The following TTLL4 variants were observed in gnomAD, a reference collection of about 807,000 sequenced individuals.
The protein encoded by TTLL4 is tubulin monoglutamylase TTLL4.
A neutral mutation model predicts 122.7 loss-of-function variants in TTLL4; 85 were observed. That is an observed-to-expected ratio of 0.69 (90% CI 0.58 to 0.83). TTLL4 has a LOEUF of 0.83. Ranked by LOEUF, TTLL4 falls within the 40% of genes least tolerant of loss-of-function variation. TTLL4 has a pLI of 0.00. For synonymous variants in TTLL4, 553 were observed against 563.0 expected, an observed-to-expected ratio of 0.98 and a Z score of 0.25; for missense variants, 1,363 against 1,488.6, an observed-to-expected ratio of 0.92 and a Z score of 1.39.
At chr2:218,731,176 C>T (rs1942371300) in intron 2 of TTLL4, among the ~76,000 whole-genome samples, 1 of 151,776 alleles carries the variant, frequency 6.6e-6, no homozygotes. Context: ...TTTGAGAGGC[C>T]GAGGTGGGTG....
chr2:218,716,315 T>G (rs1941855993), intron 1 of TTLL4, among the ~76,000 whole-genome samples: 1 of 152,250 alleles, frequency 6.6e-6, no homozygotes, highest in African/African-American at 2.4e-5. Context: ...TCATTCATTC[T>G]TTCAAGTAAA....
chr2:218,734,886 A>G (rs971862917), intron 2 of TTLL4, among the ~76,000 whole-genome samples: 5 of 152,184 alleles, frequency 3.3e-5, no homozygotes, highest in African/African-American at 9.7e-5. Flanking sequence ...CTTCTCTACC[A>G]CAAACACACG....
At chr2:218,749,986 C>G in intron 14 of TTLL4, 23 bp from the exon 15 acceptor site, 2 of 1,612,970 alleles carry the variant, frequency 1.2e-6, no homozygotes, top group Non-Finnish European at 1.7e-6. Context: ...GCTTTGACCA[C>G]TCTTTTTATC....
chr2:218,752,422 G>A (rs1943045752), intron 16 of TTLL4, among the ~76,000 whole-genome samples: 1 of 152,192 alleles, frequency 6.6e-6, no homozygotes, highest in Admixed American at 6.5e-5. Context: ...CTTTCTCAGA[G>A]CAGATAAGGA....
At chr2:218,758,098 C>G (rs1168805325), downstream of TTLL4, among the ~76,000 whole-genome samples, 1 of 152,122 alleles carries the variant, frequency 6.6e-6, no homozygotes, top group African/African-American at 2.4e-5. Flanking sequence ...TTTGGCTTGC[C>G]CCTTCACCAG....
chr2:218,748,205 A>G lies in TTLL4; in HGVS notation c.2479A>G (p.Met827Val), dbSNP rs1161861769. The change falls in exon 12 of 20, where the codon ATG becomes GTG. Residue 827 changes from methionine (M) to valine (V), a missense_variant. Met to Val is a conservative substitution (Grantham distance 21, BLOSUM62 1). Around this residue, in one of 3 missense-constraint regions of TTLL4, gnomAD observed 596 missense variants for 655.8 expected, o/e 0.91. Transcript: ENST00000392102. Reference sequence around the variant, plus strand: ...CGAGTACCAGGCCAATGCAGATGAAATGGCTTGCCAGGGCCACAAATGGTA... The same window carrying G: ...CGAGTACCAGGCCAATGCAGATGAAGTGGCTTGCCAGGGCCACAAATGGTA... The part of the protein sequence containing the change: ...NAEYQANADE[M>V]ACQGHKWALK... 6.2e-7 allele frequency: 1 copy of G among 1,614,064 alleles called. No homozygotes were observed. The highest frequency in any genetic ancestry group is 8.5e-7 in the Non-Finnish European group (1 of 1,180,018).
At chr2:218,728,202 A>C (rs1041430820) in intron 2 of TTLL4, 1 of 152,720 alleles carries the variant, frequency 6.5e-6, no homozygotes, top group African/African-American at 2.4e-5. Context: ...AAGCACATTA[A>C]ATTTTTTGTG....
intron 18 of TTLL4, 188 bp downstream of exon 18, chr2:218,753,373 C>T: frequency 1.2e-6 from 1 of 846,708 alleles, no homozygotes; most frequent in Non-Finnish European, 1.9e-6. Context: ...ACCTTTCTTT[C>T]AAGGATCAAA....
At chr2:218,728,871 C>G (rs1228731451) in intron 2 of TTLL4, among the ~76,000 whole-genome samples, 3 of 150,306 alleles carry the variant, frequency 2.0e-5, no homozygotes, top group Non-Finnish European at 4.4e-5. Flanking sequence ...TCTTCAGGCA[C>G]TCTTGATGCT....
chr2:218,738,941 A>T lies in TTLL4; in HGVS notation c.1265A>T (p.His422Leu). The T allele has an allele frequency of 6.2e-7, 1 of 1,613,908 alleles. No individual in the cohort carries two copies. Among genetic ancestry groups the T allele is most frequent in the East Asian group, 2.2e-5 (1 of 44,874 alleles). ...TTCTGTACCAAGCGTATCAGCATTC[A>T]CCTCCTTGCCTCACATGCCAGTGGG... ...TVFCTKRISI[H>L]LLASHASGLN... Residue 422 changes from histidine to leucine, a missense_variant, in exon 3 of 20, where the codon CAC (histidine) becomes CTC (leucine). His to Leu is a moderately conservative substitution (Grantham distance 99). Coordinates refer to ENST00000392102, the MANE Select transcript of TTLL4 (RefSeq NM_014640.5).
chr2:218,748,812 A>G, intron 12 of TTLL4, 24 bp from the exon 13 acceptor site: 2 of 1,607,280 alleles, frequency 1.2e-6, no homozygotes, highest in South Asian at 2.2e-5. Flanking sequence ...TTAATTCCTA[A>G]TACTTCCTCT....
In TTLL4 at chr2:218,750,118, C is replaced by T. The variant is rs1257019276; in HGVS notation, c.2845C>T (p.Pro949Ser). The T allele has an allele frequency of 2.5e-6, 4 of 1,613,928 alleles. No individual in the cohort carries two copies. In the African/African-American group the frequency reaches 4.0e-5, roughly 16 times the overall value. Reference protein sequence around the residue: ...LPNAEDIISSPSSCSSSTTSL... With the variant: ...LPNAEDIISSSSSCSSSTTSL... Reference sequence around the variant, plus strand: ...CAATGCAGAGGATATCATTTCCAGCCCCAGCAGCTGCAGCAGCTCCACCAC... The same window carrying T: ...CAATGCAGAGGATATCATTTCCAGCTCCAGCAGCTGCAGCAGCTCCACCAC... The change falls in exon 15 of 20, where the codon CCC (proline) becomes TCC (serine). Residue 949 changes from proline to serine, a missense_variant. By Grantham distance (74) the Pro-to-Ser change is moderately conservative (BLOSUM62 -1). Around this residue, in one of 3 missense-constraint regions of TTLL4, gnomAD observed 596 missense variants for 655.8 expected, o/e 0.91. Transcript: ENST00000392102.
intron 1 of TTLL4, among the ~76,000 whole-genome samples, chr2:218,716,616 TG>T (rs1941866596): frequency 1.3e-5 from 2 of 152,090 alleles, no homozygotes; most frequent in Admixed American, 1.3e-4. Context: ...GGTGAAACCC[TG>T]TCTCTACTAA....
chr2:218,718,378 CT>C (rs1241327099), intron 1 of TTLL4, among the ~76,000 whole-genome samples: 77 of 145,876 alleles, frequency 5.3e-4, no homozygotes, highest in East Asian at 1.4e-3. Context: ...ATTTTCTTTT[CT>C]TTTTTTTTTT....
In TTLL4 at chr2:218,747,892, C is replaced by G. The variant is rs888126784; in HGVS notation, c.2378+167C>G. On this transcript the variant is annotated intron_variant, in intron 11 of 19. Transcript: ENST00000392102. This position sits in a 1 kb window ranked among gnomAD's most constrained non-coding sequence, Gnocchi z 4.7. ...CTACTTCGTTAAATCTGGGGAGGGTCTTCCTGCATGCGGGACTGAGGTGGG... is the reference window on the plus strand; with the variant it reads ...CTACTTCGTTAAATCTGGGGAGGGTGTTCCTGCATGCGGGACTGAGGTGGG... 2.6e-6 allele frequency: 3 copies of G among 1,174,534 alleles called. No homozygotes were observed. Among genetic ancestry groups the G allele is most frequent in the Non-Finnish European group, 2.4e-6 (2 of 838,750 alleles). The allele number at this position is 1,174,534 out of a possible 1,614,324, so 72.8% of individuals were successfully genotyped here. A position where few individuals can be genotyped will look rare whatever the true frequency, so the allele number is the denominator to read the frequency against.
chr2:218,742,387 T>C (rs1284940184), intron 5 of TTLL4, among the ~76,000 whole-genome samples: 2 of 152,218 alleles, frequency 1.3e-5, no homozygotes, highest in Non-Finnish European at 2.9e-5. Context: ...TTATGGAAAA[T>C]TTGGCAACCA....
intron 5 of TTLL4, among the ~76,000 whole-genome samples, chr2:218,741,802 C>G (rs575590682): frequency 1.3e-5 from 2 of 152,290 alleles, no homozygotes; most frequent in South Asian, 4.1e-4. Flanking sequence ...GGGCCTACTT[C>G]AGGACTGCTA....
downstream of TTLL4, among the ~76,000 whole-genome samples, chr2:218,758,146 C>G (rs1395746400): frequency 3.3e-5 from 5 of 152,154 alleles, no homozygotes; most frequent in African/African-American, 1.2e-4. Flanking sequence ...TCATATGTTG[C>G]TCTCGGCAAA....
rs1418604584 is a variant in TTLL4 at position 218,738,536 on chromosome 2, T to G, written c.860T>G (p.Leu287Trp). 9 of 1,614,010 alleles carry G rather than the reference T, an allele frequency of 5.6e-6. No individual in the cohort carries two copies. The highest frequency in any genetic ancestry group is 3.3e-4 in the Middle Eastern group (2 of 6,084). The change falls in exon 3 of 20, where the codon TTG becomes TGG. Residue 287 changes from leucine (L) to tryptophan (W), a missense_variant. Around this residue, in one of 3 missense-constraint regions of TTLL4, gnomAD observed 760 missense variants for 808.4 expected, o/e 0.94. Transcript: ENST00000392102. ...VPADASAHIA[L>W]STASSHDTST... is the part of the protein sequence containing the mutation. ...GCTGATGCCAGTGCCCATATCGCCT[T>G]GTCTACCGCTAGCTCCCACGACACA...
Sources: allele counts gnomAD v4.1 joint callset (sites outside exome capture counted in the v4.1 genomes callset), GRCh38; gene constraint gnomAD v4.1.1; regional missense constraint gnomAD v4.1.1; non-coding constraint Gnocchi (gnomAD v3.1); transcripts MANE v1.5; gene names NCBI Gene and HGNC (gene_info 2026-07-23, HGNC 2026-07-21).